Variants in PHACTR1 observed in about 807,000 individuals in gnomAD.
PHACTR1 encodes RPEL repeat containing 1.
Under a neutral mutation model 69.2 loss-of-function variants are expected in PHACTR1, and 16 were observed. The observed-to-expected ratio is 0.23, with a 90% CI of 0.16 to 0.35. The LOEUF (loss-of-function observed/expected upper bound fraction) is 0.35. Among genes scored for constraint, PHACTR1 ranks in the 10% least tolerant of loss-of-function variants. The probability of loss-of-function intolerance (pLI) is 1.00; values close to 1 mark genes in which losing one functional copy is unlikely to be tolerated. For missense variants in PHACTR1, 510 were observed against 734.7 expected (o/e 0.69, Z 3.54); for synonymous variants, 312 against 284.5 (o/e 1.10, Z -0.97).
intron 4 of PHACTR1, chr6:12,933,849 G>A (rs1325636959): frequency 1.2e-6 from 2 of 1,612,754 alleles, no homozygotes; most frequent in South Asian, 1.1e-5. Flanking sequence ...GCTAAGAGAA[G>A]GAGGGTGGTT....
At chr6:13,010,740 T>C (rs1799356130) in intron 4 of PHACTR1, among the ~76,000 whole-genome samples, 1 of 151,430 alleles carries the variant, frequency 6.6e-6, no homozygotes, top group Admixed American at 6.6e-5. Context: ...AAATAAGGGA[T>C]GGGAAGGAGA....
intron 4 of PHACTR1, among the ~76,000 whole-genome samples, chr6:13,049,688 T>G (rs1269427656): frequency 6.6e-6 from 1 of 152,186 alleles, no homozygotes; most frequent in Non-Finnish European, 1.5e-5. Context: ...TACTAGAAGA[T>G]CATTCTGAGC....
intron 7 of PHACTR1, among the ~76,000 whole-genome samples, chr6:13,184,084 C>G: frequency 6.6e-6 from 1 of 152,210 alleles, no homozygotes; most frequent in East Asian, 1.9e-4. Flanking sequence ...TCCCTTGCCT[C>G]GTCAAAGTTT....
intron 4 of PHACTR1, among the ~76,000 whole-genome samples, chr6:12,858,747 G>C (rs1195918242): frequency 1.3e-5 from 2 of 151,762 alleles, no homozygotes; most frequent in African/African-American, 2.4e-5. Flanking sequence ...AGTGAGTTAT[G>C]ATCATGCCAC....
chr6:12,755,920 A>C (rs983114383), intron 4 of PHACTR1, among the ~76,000 whole-genome samples: 1 of 152,220 alleles, frequency 6.6e-6, no homozygotes, highest in African/African-American at 2.4e-5. Context: ...TGGAATTCAC[A>C]GAAAGAAGGA....
chr6:12,939,952 T>G (rs1391613014), intron 4 of PHACTR1, among the ~76,000 whole-genome samples: 1 of 152,216 alleles, frequency 6.6e-6, no homozygotes, highest in African/African-American at 2.4e-5. Context: ...TCCCAGATGC[T>G]TCTGTCCTCA....
chr6:12,959,160 G>A (rs1250131566), intron 4 of PHACTR1, among the ~76,000 whole-genome samples: 1 of 112,084 alleles, frequency 8.9e-6, no homozygotes, highest in East Asian at 2.8e-4. Context: ...CTGGGTGATA[G>A]AGTGAGACTT....
At chr6:12,817,445 C>T (rs768067447) in intron 4 of PHACTR1, among the ~76,000 whole-genome samples, 7 of 152,122 alleles carry the variant, frequency 4.6e-5, no homozygotes, top group African/African-American at 1.2e-4. Context: ...AGATTGAAAC[C>T]GGGCTCTGCC....
chr6:12,739,843 T>C (rs1370808665), intron 3 of PHACTR1, among the ~76,000 whole-genome samples: 1 of 152,234 alleles, frequency 6.6e-6, no homozygotes, highest in East Asian at 1.9e-4. Context: ...TACTGGGCCT[T>C]ATTTTTTAGT....
At chr6:12,851,228 A>G (rs1285810853) in intron 4 of PHACTR1, among the ~76,000 whole-genome samples, 1 of 152,218 alleles carries the variant, frequency 6.6e-6, no homozygotes, top group Non-Finnish European at 1.5e-5. Flanking sequence ...GTGCTGAGCA[A>G]TGGATGCAAC....
intron 4 of PHACTR1, among the ~76,000 whole-genome samples, chr6:12,791,282 C>A (rs1772239656): frequency 6.6e-6 from 1 of 152,144 alleles, no homozygotes. Context: ...CAACCTTCAG[C>A]CTTCTCATCT....
intron 4 of PHACTR1, chr6:12,933,766 A>G (rs564632073): frequency 1.2e-6 from 2 of 1,612,748 alleles, no homozygotes; most frequent in African/African-American, 1.3e-5. Flanking sequence ...CATACACTAC[A>G]TCAGCCCACA....
chr6:12,769,464 G>A (rs1769099743), intron 4 of PHACTR1, among the ~76,000 whole-genome samples: 1 of 152,216 alleles, frequency 6.6e-6, no homozygotes, highest in African/African-American at 2.4e-5. Flanking sequence ...CTAGCCCACT[G>A]GGTTTGAATC....
At chr6:12,987,844 G>T (rs912725613) in intron 4 of PHACTR1, among the ~76,000 whole-genome samples, 7 of 152,216 alleles carry the variant, frequency 4.6e-5, no homozygotes, top group African/African-American at 1.7e-4. Context: ...GAATTCTAAA[G>T]TCCTGATGAT....
At chr6:13,191,836 C>T (rs1334590232) in intron 7 of PHACTR1, among the ~76,000 whole-genome samples, 1 of 152,182 alleles carries the variant, frequency 6.6e-6, no homozygotes, top group African/African-American at 2.4e-5. Flanking sequence ...GCTGATTTTA[C>T]TTTTTATACT....
At chr6:12,999,879 G>A (rs1396985338) in intron 4 of PHACTR1, among the ~76,000 whole-genome samples, 2 of 152,180 alleles carry the variant, frequency 1.3e-5, no homozygotes, top group African/African-American at 4.8e-5. Context: ...AAACACTAAA[G>A]CAGCTAGGAC....
chr6:13,118,961 A>C (rs375451612), intron 5 of PHACTR1, among the ~76,000 whole-genome samples: 5 of 152,284 alleles, frequency 3.3e-5, no homozygotes, highest in African/African-American at 1.2e-4. Context: ...TAATGCTAGG[A>C]ACTATTGAGA....
intron 5 of PHACTR1, among the ~76,000 whole-genome samples, chr6:13,128,100 G>A (rs1458962208): frequency 6.7e-6 from 1 of 149,642 alleles, no homozygotes; most frequent in Non-Finnish European, 1.5e-5. Context: ...CAGCATGGGG[G>A]TAATTATGGG....
intron 8 of PHACTR1, among the ~76,000 whole-genome samples, chr6:13,213,812 G>T (rs1767253768): frequency 6.6e-6 from 1 of 152,188 alleles, no homozygotes; most frequent in Non-Finnish European, 1.5e-5. Context: ...GGACTTTCCA[G>T]CCCCGACAAC....
Sources: gnomAD v4.1 joint callset for allele counts (sites outside exome capture counted in the v4.1 genomes callset) on GRCh38, gnomAD v4.1.1 for gene constraint, MANE v1.5 for transcripts, NCBI Gene and HGNC (gene_info 2026-07-23, HGNC 2026-07-21) for gene names.